RIMS2: variants seen among roughly 807,000 people sequenced by gnomAD.
RIMS2 encodes regulating synaptic membrane exocytosis 2.
A neutral mutation model predicts 174.4 loss-of-function variants in RIMS2; 59 were observed. The ratio of observed to expected loss-of-function variants is 0.34; its 90% CI spans 0.27 to 0.42. RIMS2 has a LOEUF of 0.42. Ranked by LOEUF, RIMS2 falls within the 10% of genes least tolerant of loss-of-function variation. RIMS2 has a pLI of 1.00. For missense variants in RIMS2, 1,620 were observed against 1,666.3 expected (o/e 0.97, Z 0.48); for synonymous variants, 606 against 572.5 (o/e 1.06, Z -0.84).
intron 19 of RIMS2, among the ~76,000 whole-genome samples, chr8:104,211,938 G>C (rs1233817930): frequency 6.6e-6 from 1 of 152,166 alleles, no homozygotes; most frequent in African/African-American, 2.4e-5. Context: ...AAGTAGGATC[G>C]ACAGAATTTT....
At chr8:103,700,965 A>G (rs1013240593) in intron 2 of RIMS2, among the ~76,000 whole-genome samples, 3 of 152,020 alleles carry the variant, frequency 2.0e-5, no homozygotes, top group Non-Finnish European at 4.4e-5. Context: ...CCCACAATAT[A>G]TTGTTATTCT....
chr8:103,559,433 A>AAG, intron 1 of RIMS2: 1 of 344,736 alleles, frequency 2.9e-6, no homozygotes, highest in South Asian at 2.3e-5. Context: ...ATTAAAAAGA[A>AAG]AGAGAGAGTT....
At chr8:103,620,283 G>C (rs2095605191) in intron 1 of RIMS2, among the ~76,000 whole-genome samples, 1 of 152,052 alleles carries the variant, frequency 6.6e-6, no homozygotes, top group Non-Finnish European at 1.5e-5. Context: ...GATGATATTT[G>C]CTCAGGGAAT....
At chr8:104,158,703 G>A (rs1206974685) in intron 19 of RIMS2, among the ~76,000 whole-genome samples, 1 of 152,180 alleles carries the variant, frequency 6.6e-6, no homozygotes. Context: ...CTTCTTTTGA[G>A]AGGTGTCTGT....
At chr8:103,927,652 GT>G (rs1565358809) in intron 10 of RIMS2, among the ~76,000 whole-genome samples, 1 of 151,380 alleles carries the variant, frequency 6.6e-6, no homozygotes, top group African/African-American at 2.4e-5. Flanking sequence ...AGTTTTTAAT[GT>G]TTTTTGGCAT....
intron 20 of RIMS2, among the ~76,000 whole-genome samples, chr8:104,247,259 C>G (rs745592522): frequency 6.6e-6 from 1 of 152,182 alleles, no homozygotes; most frequent in Non-Finnish European, 1.5e-5. Context: ...AAGCAGGAAT[C>G]TATTTTCTCA....
intron 19 of RIMS2, among the ~76,000 whole-genome samples, chr8:104,030,371 C>T (rs1408652852): frequency 1.3e-5 from 2 of 152,008 alleles, no homozygotes; most frequent in African/African-American, 4.8e-5. Flanking sequence ...AACTAATTGA[C>T]TTATAGTATG....
chr8:103,797,922 C>T (rs753116413), intron 3 of RIMS2, among the ~76,000 whole-genome samples: 67 of 152,120 alleles, frequency 4.4e-4, no homozygotes, highest in South Asian at 2.1e-4. Flanking sequence ...TTTTTACTCT[C>T]AAAAGTATCC....
chr8:103,570,849 A>T (rs1258522163), intron 1 of RIMS2, among the ~76,000 whole-genome samples: 1 of 152,148 alleles, frequency 6.6e-6, no homozygotes, highest in Non-Finnish European at 1.5e-5. Flanking sequence ...ATATTTCCAG[A>T]TAAAGTTTGC....
At chr8:103,741,060 C>G (rs1232804039) in intron 2 of RIMS2, among the ~76,000 whole-genome samples, 2 of 151,766 alleles carry the variant, frequency 1.3e-5, no homozygotes. Flanking sequence ...TGAAAAATTT[C>G]TATTGGATTG....
At chr8:103,691,042 A>G (rs1360853114) in intron 1 of RIMS2, among the ~76,000 whole-genome samples, 2 of 152,152 alleles carry the variant, frequency 1.3e-5, no homozygotes, top group African/African-American at 4.8e-5. Context: ...GATTTCCTCT[A>G]AGAAGTCTGC....
intron 19 of RIMS2, among the ~76,000 whole-genome samples, chr8:104,033,733 T>C (rs2096451625): frequency 1.3e-5 from 2 of 151,846 alleles, no homozygotes; most frequent in African/African-American, 2.4e-5. Context: ...GTAAAAACAA[T>C]GTTAAATTTT....
intron 2 of RIMS2, among the ~76,000 whole-genome samples, chr8:103,700,963 A>T (rs896130327): frequency 6.6e-6 from 1 of 152,042 alleles, no homozygotes; most frequent in Non-Finnish European, 1.5e-5. Flanking sequence ...ACCCCACAAT[A>T]TATTGTTATT....
At chr8:103,535,095 C>T (rs1220163538) in intron 1 of RIMS2, among the ~76,000 whole-genome samples, 4 of 152,256 alleles carry the variant, frequency 2.6e-5, no homozygotes, top group South Asian at 2.1e-4. Flanking sequence ...TTGTTATTTA[C>T]GACTTTAGAA....
intron 5 of RIMS2, among the ~76,000 whole-genome samples, chr8:103,910,764 T>C (rs1016544861): frequency 1.3e-5 from 2 of 152,184 alleles, no homozygotes; most frequent in Admixed American, 1.3e-4. Context: ...AATAAGTATA[T>C]GAAAATAAAA....
chr8:103,713,646 C>T (rs2138081241), intron 2 of RIMS2, among the ~76,000 whole-genome samples: 1 of 152,278 alleles, frequency 6.6e-6, no homozygotes, highest in South Asian at 2.1e-4. Flanking sequence ...ATTGGTCTCT[C>T]TGCTTCAGTT....
intron 19 of RIMS2, among the ~76,000 whole-genome samples, chr8:104,067,501 C>T (rs1216310564): frequency 6.6e-6 from 1 of 152,032 alleles, no homozygotes; most frequent in Non-Finnish European, 1.5e-5. Context: ...GTCTCAAATC[C>T]AGCCTCAGCC....
intron 13 of RIMS2, among the ~76,000 whole-genome samples, chr8:103,939,349 C>T (rs746032643): frequency 3.9e-5 from 6 of 152,180 alleles, no homozygotes; most frequent in Non-Finnish European, 7.3e-5. Context: ...GGGCTTGCAC[C>T]CTCTGACGCC....
At chr8:103,521,837 C>G (rs1439646241) in intron 1 of RIMS2, among the ~76,000 whole-genome samples, 1 of 150,614 alleles carries the variant, frequency 6.6e-6, no homozygotes, top group Non-Finnish European at 1.5e-5. Flanking sequence ...TAGACTTTCT[C>G]ATTCTTAAAA....
Sources: gnomAD v4.1 joint callset for allele counts (sites outside exome capture counted in the v4.1 genomes callset) on GRCh38, gnomAD v4.1.1 for gene constraint, MANE v1.5 for transcripts, NCBI Gene and HGNC (gene_info 2026-07-23, HGNC 2026-07-21) for gene names.